KCND2: variants seen among roughly 807,000 people sequenced by gnomAD.
KCND2 encodes the protein A-type voltage-gated potassium channel KCND2.
KCND2 carries 16 observed loss-of-function variants against 54.4 expected under a neutral mutation model. That is an observed-to-expected ratio of 0.29 (90% CI 0.20 to 0.45). The LOEUF (loss-of-function observed/expected upper bound fraction) is 0.45, where lower values mean the gene tolerates loss of function less well. Ranked by LOEUF, KCND2 falls within the 20% of genes least tolerant of loss-of-function variation. The pLI is 1.00. For missense variants in KCND2, 486 were observed against 824.2 expected, an observed-to-expected ratio of 0.59 and a Z score of 5.02; for synonymous variants, 317 against 310.7, an observed-to-expected ratio of 1.02 and a Z score of -0.21.
At chr7:120,397,227 C>A (rs1354203633) in intron 1 of KCND2, among the ~76,000 whole-genome samples, 2 of 151,978 alleles carry the variant, frequency 1.3e-5, no homozygotes, top group African/African-American at 4.8e-5. Context: ...TGGTGTCTTC[C>A]ATTAAACTCA....
At chr7:120,539,534 C>T (rs1014125224) in intron 1 of KCND2, among the ~76,000 whole-genome samples, 2 of 152,146 alleles carry the variant, frequency 1.3e-5, no homozygotes, top group African/African-American at 4.8e-5. Context: ...CACTTGCTGG[C>T]GTCCCTCCTG....
At chr7:120,574,259 A>G (rs911535348) in intron 1 of KCND2, among the ~76,000 whole-genome samples, 1 of 152,192 alleles carries the variant, frequency 6.6e-6, no homozygotes, top group African/African-American at 2.4e-5. Context: ...TTGGGTGTAT[A>G]TTGACCATGG....
intron 1 of KCND2, among the ~76,000 whole-genome samples, chr7:120,627,700 G>A (rs1793180148): frequency 6.6e-6 from 1 of 151,866 alleles, no homozygotes; most frequent in Non-Finnish European, 1.5e-5. Context: ...GTAAAGCAGT[G>A]GCCCAAATAG....
At chr7:120,484,124 G>A (rs1009803788) in intron 1 of KCND2, among the ~76,000 whole-genome samples, 10 of 152,140 alleles carry the variant, frequency 6.6e-5, no homozygotes, top group African/African-American at 2.4e-4. Flanking sequence ...GGAGAGGTGA[G>A]ATTTAAGTGT....
At chr7:120,725,328 G>A (rs1205584508) in intron 1 of KCND2, among the ~76,000 whole-genome samples, 1 of 152,088 alleles carries the variant, frequency 6.6e-6, no homozygotes, top group Admixed American at 6.6e-5. Flanking sequence ...GTGCCTTAGC[G>A]ATACCTAGCA....
chr7:120,412,738 C>T lies in KCND2; in HGVS notation c.1115+136991C>T, dbSNP rs538864248. On this transcript the variant is annotated intron_variant, in intron 1 of 5. Transcript: ENST00000331113. ...GAAATATATTCCAGAATGCTTTCTCCACACAGTTTGGGAGCTGTTAATTTT... is the reference window on the plus strand; with the variant it reads ...GAAATATATTCCAGAATGCTTTCTCTACACAGTTTGGGAGCTGTTAATTTT... 5.3e-5 allele frequency among the ~76,000 whole-genome samples: 8 copies of T among 152,172 alleles called. No individual in the cohort carries two copies. In the East Asian group the frequency reaches 1.5e-3, roughly 29 times the overall value.
chr7:120,560,257 A>T (rs1288477471), intron 1 of KCND2, among the ~76,000 whole-genome samples: 1 of 152,206 alleles, frequency 6.6e-6, no homozygotes, highest in Non-Finnish European at 1.5e-5. Flanking sequence ...TTTTTATTAC[A>T]CAAAAGCTTG....
chr7:120,658,417 A>C (rs1230790054), intron 1 of KCND2, among the ~76,000 whole-genome samples: 1 of 152,220 alleles, frequency 6.6e-6, no homozygotes, highest in Non-Finnish European at 1.5e-5. Context: ...TGATATACGC[A>C]ATGTCTACTA....
chr7:120,543,373 A>G (rs186809043), intron 1 of KCND2, among the ~76,000 whole-genome samples: 1 of 152,084 alleles, frequency 6.6e-6, no homozygotes, highest in Non-Finnish European at 1.5e-5. Flanking sequence ...TTTTCCAATT[A>G]GGACTAACAA....
intron 1 of KCND2, among the ~76,000 whole-genome samples, chr7:120,293,487 AT>A (rs1195046280): frequency 7.9e-5 from 12 of 151,960 alleles, no homozygotes; most frequent in Middle Eastern, 3.4e-3. Flanking sequence ...CTTTCTGATG[AT>A]TTTTCCCTTC....
intron 1 of KCND2, among the ~76,000 whole-genome samples, chr7:120,317,851 A>G (rs941258020): frequency 6.6e-6 from 1 of 152,242 alleles, no homozygotes; most frequent in Non-Finnish European, 1.5e-5. Flanking sequence ...TTTCAAATCA[A>G]TCAGTTGGAG....
At chr7:120,462,302 G>C (rs1802295066) in intron 1 of KCND2, among the ~76,000 whole-genome samples, 1 of 151,534 alleles carries the variant, frequency 6.6e-6, no homozygotes, top group Admixed American at 6.6e-5. Context: ...TTATAGGCAA[G>C]GTTATTAAAC....
intron 1 of KCND2, among the ~76,000 whole-genome samples, chr7:120,473,431 C>T (rs1299926351): frequency 1.3e-5 from 2 of 152,128 alleles, no homozygotes; most frequent in African/African-American, 2.4e-5. Context: ...AAGGGGTTTC[C>T]TCCATGATCA....
At chr7:120,667,135 C>G (rs1341150066) in intron 1 of KCND2, among the ~76,000 whole-genome samples, 1 of 151,968 alleles carries the variant, frequency 6.6e-6, no homozygotes, top group Non-Finnish European at 1.5e-5. Flanking sequence ...TGAAGTCTAG[C>G]CTCTTTTTCC....
intron 1 of KCND2, among the ~76,000 whole-genome samples, chr7:120,539,352 T>C (rs1791951466): frequency 6.6e-6 from 1 of 152,218 alleles, no homozygotes; most frequent in African/African-American, 2.4e-5. Context: ...ATCAAAGTCA[T>C]CTCTGAAGAG....
intron 1 of KCND2, among the ~76,000 whole-genome samples, chr7:120,422,484 G>A (rs2116138095): frequency 6.6e-6 from 1 of 152,218 alleles, no homozygotes; most frequent in East Asian, 1.9e-4. Context: ...TTTTCTGTGG[G>A]CATCTGGCAT....
intron 1 of KCND2, among the ~76,000 whole-genome samples, chr7:120,707,027 A>C (rs1378851554): frequency 6.6e-6 from 1 of 152,160 alleles, no homozygotes; most frequent in Non-Finnish European, 1.5e-5. Context: ...ATTTTCTAAA[A>C]AGATAGGAAC....
At chr7:120,426,466 C>A (rs530217660) in intron 1 of KCND2, among the ~76,000 whole-genome samples, 3 of 152,090 alleles carry the variant, frequency 2.0e-5, no homozygotes, top group Admixed American at 2.0e-4. Flanking sequence ...GTTTAACTGA[C>A]AAAGCTAAAT....
rs150226004 is a variant in KCND2 at position 120,397,545 on chromosome 7, T to C, written c.1115+121798T>C. On this transcript the variant is annotated intron_variant, in intron 1 of 5. Coordinates refer to ENST00000331113, the MANE Select transcript of KCND2 (RefSeq NM_012281.3). ...TAAGTCACTTCTACATTTTGCTAAG[T>C]TTAATAATATTCTTCAATTTCTTTA... 8.4e-3 allele frequency among the ~76,000 whole-genome samples: 1,274 copies of C among 152,136 alleles called. 5 individuals are homozygous for C. The highest frequency in any genetic ancestry group is 0.013 in the Non-Finnish European group (862 of 67,948).
Sources: allele counts gnomAD v4.1 joint callset (sites outside exome capture counted in the v4.1 genomes callset), GRCh38; gene constraint gnomAD v4.1.1; transcripts MANE v1.5; gene names NCBI Gene and HGNC (gene_info 2026-07-23, HGNC 2026-07-21).